The following CDH8 variants were observed in gnomAD, a reference collection of about 807,000 sequenced individuals.
CDH8 encodes cadherin 8.
CDH8 carries 17 observed loss-of-function variants against 68.1 expected under a neutral mutation model. That is an observed-to-expected ratio of 0.25 (90% CI 0.17 to 0.37). The LOEUF (loss-of-function observed/expected upper bound fraction) is 0.37, where lower values mean the gene tolerates loss of function less well. Among genes scored for constraint, CDH8 ranks in the 10% least tolerant of loss-of-function variants. The pLI is 1.00. For synonymous variants in CDH8, 372 were observed against 365.1 expected, an observed-to-expected ratio of 1.02 and a Z score of -0.21; for missense variants, 763 against 999.3, an observed-to-expected ratio of 0.76 and a Z score of 3.19.
At chr16:61,756,289 C>T (rs2142958384) in intron 8 of CDH8, among the ~76,000 whole-genome samples, 1 of 152,268 alleles carries the variant, frequency 6.6e-6, no homozygotes, top group African/African-American at 2.4e-5. Context: ...TTTTCTATTA[C>T]TAAATATTTA....
chr16:61,710,143 T>C (rs1964605328), intron 10 of CDH8, among the ~76,000 whole-genome samples: 1 of 152,138 alleles, frequency 6.6e-6, no homozygotes, highest in Non-Finnish European at 1.5e-5. Flanking sequence ...CCAATTGATG[T>C]CTAAGTCCTA....
intron 4 of CDH8, among the ~76,000 whole-genome samples, chr16:61,849,066 G>A (rs1369347839): frequency 2.0e-5 from 3 of 152,066 alleles, no homozygotes; most frequent in Non-Finnish European, 4.4e-5. Context: ...CACCAGCACA[G>A]TTTGTTGCTA....
intron 3 of CDH8, among the ~76,000 whole-genome samples, chr16:61,870,495 G>T (rs1363779650): frequency 6.6e-6 from 1 of 152,108 alleles, no homozygotes; most frequent in Non-Finnish European, 1.5e-5. Context: ...TTACCTTGAG[G>T]AGCTTTCCAG....
chr16:61,818,935 CTTT>C (rs34723976), intron 6 of CDH8, among the ~76,000 whole-genome samples: 1 of 127,596 alleles, frequency 7.8e-6, no homozygotes, highest in African/African-American at 3.0e-5. Flanking sequence ...GACTTGGCTC[CTTT>C]TTTTTTTTTT....
chr16:61,893,630 C>A (rs1963817828), intron 3 of CDH8, among the ~76,000 whole-genome samples: 1 of 151,952 alleles, frequency 6.6e-6, no homozygotes, highest in East Asian at 1.9e-4. Context: ...AGAAAAAGTA[C>A]AAAATGAGCC....
At chr16:61,878,678 G>C (rs1052170372) in intron 3 of CDH8, among the ~76,000 whole-genome samples, 2 of 151,872 alleles carry the variant, frequency 1.3e-5, no homozygotes, top group African/African-American at 4.8e-5. Context: ...CACTAGCCTG[G>C]GTATTTTACA....
intron 2 of CDH8, among the ~76,000 whole-genome samples, chr16:62,017,158 C>G (rs577586864): frequency 2.0e-5 from 3 of 152,074 alleles, no homozygotes; most frequent in Admixed American, 6.6e-5. Context: ...TATATGCAGG[C>G]AGGGTTCTAG....
At chr16:61,777,880 T>C (rs761977269) in intron 8 of CDH8, among the ~76,000 whole-genome samples, 8 of 152,086 alleles carry the variant, frequency 5.3e-5, no homozygotes, top group Non-Finnish European at 1.0e-4. Flanking sequence ...GCTGATTCCC[T>C]CCCCAGGAAT....
chr16:61,731,408 C>T (rs906132851), intron 8 of CDH8, among the ~76,000 whole-genome samples: 5 of 151,624 alleles, frequency 3.3e-5, no homozygotes, highest in East Asian at 1.9e-4. Context: ...TGACCTAGGA[C>T]GCTTTTGAAT....
At chr16:62,020,828 A>G (rs1362066301) in intron 2 of CDH8, among the ~76,000 whole-genome samples, 1 of 152,232 alleles carries the variant, frequency 6.6e-6, no homozygotes, top group East Asian at 1.9e-4. Flanking sequence ...TCCAAGTACT[A>G]TAAACTAGAG....
At chr16:61,655,212 C>A (rs939129469) in intron 11 of CDH8, among the ~76,000 whole-genome samples, 2 of 152,224 alleles carry the variant, frequency 1.3e-5, no homozygotes, top group African/African-American at 2.4e-5. Flanking sequence ...TCCACTGCCA[C>A]CACCATTATG....
chr16:62,004,229 C>G (rs1487446024), intron 2 of CDH8, among the ~76,000 whole-genome samples: 2 of 152,066 alleles, frequency 1.3e-5, no homozygotes, highest in African/African-American at 4.8e-5. Flanking sequence ...TAGGGGAATA[C>G]CTAAAGGACA....
At chr16:61,958,070 AAG>A (rs1965016097) in intron 2 of CDH8, among the ~76,000 whole-genome samples, 2 of 151,252 alleles carry the variant, frequency 1.3e-5, no homozygotes, top group South Asian at 2.1e-4. Context: ...GTGGAAATAA[AAG>A]AGTTTTTGCC....
intron 4 of CDH8, among the ~76,000 whole-genome samples, chr16:61,856,292 T>C (rs1963046902): frequency 6.6e-6 from 1 of 152,130 alleles, no homozygotes; most frequent in African/African-American, 2.4e-5. Flanking sequence ...AAATTGCTTT[T>C]TAAACAATAA....
chr16:61,757,804 G>A (rs551219215), intron 8 of CDH8, among the ~76,000 whole-genome samples: 1 of 152,266 alleles, frequency 6.6e-6, no homozygotes, highest in African/African-American at 2.4e-5. Context: ...AGCTGCCCCA[G>A]TTTATATCAC....
chr16:61,823,308 C>A (rs1567487240), intron 5 of CDH8, among the ~76,000 whole-genome samples: 1 of 151,918 alleles, frequency 6.6e-6, no homozygotes, highest in South Asian at 2.1e-4. Flanking sequence ...CTCCCCACCC[C>A]ACCTTCCCTC....
intron 4 of CDH8, among the ~76,000 whole-genome samples, chr16:61,855,329 C>T (rs1383025965): frequency 1.3e-5 from 2 of 152,072 alleles, no homozygotes; most frequent in Non-Finnish European, 2.9e-5. Flanking sequence ...TATAATTGTC[C>T]AAATCCTCTC....
intron 10 of CDH8, among the ~76,000 whole-genome samples, chr16:61,695,589 C>T (rs2142839689): frequency 6.6e-6 from 1 of 152,230 alleles, no homozygotes; most frequent in South Asian, 2.1e-4. Context: ...CCAGTAACTG[C>T]CCACCCCTTT....
chr16:61,776,660 CT>C (rs1389227698), intron 8 of CDH8, among the ~76,000 whole-genome samples: 1 of 152,050 alleles, frequency 6.6e-6, no homozygotes, highest in Non-Finnish European at 1.5e-5. Flanking sequence ...AACATGGTCA[CT>C]TTTTGGCAAA....
Sources: gnomAD v4.1 joint callset for allele counts (sites outside exome capture counted in the v4.1 genomes callset) on GRCh38, gnomAD v4.1.1 for gene constraint, MANE v1.5 for transcripts, NCBI Gene and HGNC (gene_info 2026-07-23, HGNC 2026-07-21) for gene names.